The following CAPS2 variants were observed in gnomAD, a reference collection of about 807,000 sequenced individuals.
CAPS2 encodes calcyphosin-2.
In CAPS2, 98 loss-of-function variants were observed where a neutral mutation model predicts 86.5. The ratio of observed to expected loss-of-function variants is 1.13; its 90% CI spans 0.96 to 1.34. CAPS2 has a LOEUF of 1.34. CAPS2 is among the 40% of genes most tolerant of loss of function. The probability of loss-of-function intolerance (pLI) is 0.00; values close to 1 mark genes in which losing one functional copy is unlikely to be tolerated. For missense variants in CAPS2, 729 were observed against 686.8 expected (o/e 1.06, Z -0.69); for synonymous variants, 210 against 225.1 (o/e 0.93, Z 0.60).
rs1565767710 is a variant in CAPS2, at chr12:75,284,945, T to C, written c.1515+16A>G. 2 of 1,583,474 alleles carry C rather than the reference T, an allele frequency of 1.3e-6. No individual in the cohort carries two copies. Reference sequence around the variant, plus strand: ...TATTAAAAATAACAATTTGAAAGATTACTTAACAAAGTTACCTTTCGAACA... The same window carrying C: ...TATTAAAAATAACAATTTGAAAGATCACTTAACAAAGTTACCTTTCGAACA... On this transcript the variant is annotated intron_variant, in intron 15 of 16. Transcript: ENST00000393284.
chr12:75,334,784 C>A (rs1452734463), upstream of CAPS2: 2 of 1,613,928 alleles, frequency 1.2e-6, no homozygotes, highest in Non-Finnish European at 1.7e-6. Flanking sequence ...TGTTTGGTAG[C>A]CACTACATCT....
intron 16 of CAPS2, among the ~76,000 whole-genome samples, chr12:75,281,430 G>C (rs2138026114): frequency 6.6e-6 from 1 of 151,992 alleles, no homozygotes; most frequent in Non-Finnish European, 1.5e-5. Flanking sequence ...TATACTGCAA[G>C]ATAAAAAATA....
chr12:75,343,391 A>G (rs1008783973), intron 1 of CAPS2, among the ~76,000 whole-genome samples: 1 of 152,044 alleles, frequency 6.6e-6, no homozygotes, highest in African/African-American at 2.4e-5. Flanking sequence ...CTGAATTACT[A>G]GACTTTGAAT....
chr12:75,342,870 G>C (rs1425748862), intron 1 of CAPS2, among the ~76,000 whole-genome samples: 1 of 151,910 alleles, frequency 6.6e-6, no homozygotes, highest in Non-Finnish European at 1.5e-5. Flanking sequence ...GCAGTTTTCA[G>C]CATAGAGATC....
rs1017781004 is a variant in CAPS2 at position 75,379,001 on chromosome 12, A to C, written c.-395+11837T>G. Among the ~76,000 whole-genome samples, 21 of 152,280 alleles carry C rather than the reference A, an allele frequency of 1.4e-4. No homozygotes were observed. The South Asian group carries it at 2.9e-3, about 21-fold the overall frequency. The stretch of plus-strand genomic sequence containing the variant: ...TAAAGGTAAATTCACATGTATGTAG[A>C]GTATATTTTTCTACCTATTGCTTTG... On this transcript the variant is annotated intron_variant, in intron 1 of 5. Coordinates refer to the CAPS2 transcript ENST00000551829.
At chr12:75,318,027 A>G (rs1445287993) in intron 5 of CAPS2, 1 of 151,890 alleles carries the variant, frequency 6.6e-6, no homozygotes, top group African/African-American at 2.4e-5. Context: ...GGCAACCAAT[A>G]TTTTACTCTC....
chr12:75,293,146 C>A (rs1323278017), intron 12 of CAPS2, 103 bp downstream of exon 12: 1 of 725,868 alleles, frequency 1.4e-6, no homozygotes, highest in South Asian at 1.8e-5. Flanking sequence ...AAATATAAAC[C>A]TTAATGAAGT....
At chr12:75,301,753 A>G (rs1385602345) in intron 8 of CAPS2, among the ~76,000 whole-genome samples, 1 of 152,198 alleles carries the variant, frequency 6.6e-6, no homozygotes, top group Non-Finnish European at 1.5e-5. Context: ...AACAGTGACA[A>G]ATGGAAGTAA....
At chr12:75,299,716 A>G in intron 9 of CAPS2, 121 bp downstream of exon 9, 1 of 460,580 alleles carries the variant, frequency 2.2e-6, no homozygotes, top group Non-Finnish European at 4.0e-6. Context: ...TTTGTTCTAA[A>G]TTCACGTATT....
At chr12:75,389,009 A>C (rs1390850643) in intron 1 of CAPS2, among the ~76,000 whole-genome samples, 1 of 152,210 alleles carries the variant, frequency 6.6e-6, no homozygotes, top group African/African-American at 2.4e-5. Context: ...AAAACAAAAA[A>C]AACACAGAAG....
intron 12 of CAPS2, 29 bp downstream of exon 12, chr12:75,293,220 T>C: frequency 1.5e-6 from 2 of 1,322,362 alleles, no homozygotes; most frequent in Non-Finnish European, 2.2e-6. Flanking sequence ...TCACCTACTT[T>C]CAAATTGCCA....
At position 75,311,449 on chromosome 12, in the gene CAPS2, G is replaced by T. The variant is rs543152889; in HGVS notation, c.659+1399C>A. 8.5e-5 allele frequency among the ~76,000 whole-genome samples: 13 copies of T among 152,250 alleles called. No homozygotes were observed. The South Asian group carries it at 2.7e-3, about 32-fold the overall frequency. On this transcript the variant is annotated intron_variant, in intron 7 of 16. Coordinates refer to ENST00000393284, the Ensembl canonical transcript of CAPS2. ...TTAAAGATTTGGTCATGGAGGAAGA[G>T]AGGGCAATAAAATTTCAGACACCCA...
At chr12:75,359,334 G>T (rs1428496471) in intron 1 of CAPS2, among the ~76,000 whole-genome samples, 1 of 121,402 alleles carries the variant, frequency 8.2e-6, no homozygotes, top group Non-Finnish European at 1.7e-5. Flanking sequence ...TTGTTCATGA[G>T]TTAGAAGACT....
chr12:75,389,649 G>T (rs762632546), intron 1 of CAPS2, among the ~76,000 whole-genome samples: 1 of 152,098 alleles, frequency 6.6e-6, no homozygotes, highest in Non-Finnish European at 1.5e-5. Context: ...TACTTCTAGC[G>T]TTTAGGATCT....
intron 1 of CAPS2, chr12:75,369,749 T>C (rs2139694885): frequency 1.0e-6 from 1 of 985,244 alleles, no homozygotes; most frequent in African/African-American, 1.7e-5. Flanking sequence ...AGAGGTGTTT[T>C]AGAAATATTT....
chr12:75,305,903 A>T, intron 7 of CAPS2: 2 of 868,666 alleles, frequency 2.3e-6, no homozygotes, highest in East Asian at 4.9e-5. Context: ...AGGCTGTCCA[A>T]CCTCCACACC....
downstream of CAPS2, chr12:75,277,097 A>G (rs2033065125): frequency 4.1e-6 from 4 of 983,944 alleles, no homozygotes; most frequent in Non-Finnish European, 4.8e-6. Context: ...AAATCTCATA[A>G]ATAGAGCTAT....
chr12:75,360,400 C>T, intron 1 of CAPS2: 1 of 152,164 alleles, frequency 6.6e-6, no homozygotes, highest in East Asian at 1.9e-4. Context: ...CAAGTTAGTT[C>T]CTTCCTAGAT....
intron 1 of CAPS2, chr12:75,363,200 AAT>A (rs770296230): frequency 4.1e-4 from 495 of 1,222,100 alleles, no homozygotes; most frequent in Middle Eastern, 5.7e-4. Context: ...AGTAAGCAAA[AAT>A]ATATATATAT....
Sources: allele counts gnomAD v4.1 joint callset (sites outside exome capture counted in the v4.1 genomes callset), GRCh38; gene constraint gnomAD v4.1.1; transcripts MANE v1.5; gene names NCBI Gene and HGNC (gene_info 2026-07-23, HGNC 2026-07-21).